Variants in RAD51B observed in about 807,000 individuals in gnomAD.
RAD51B encodes the protein DNA repair protein RAD51 homolog 2.
Under a neutral mutation model 42.2 loss-of-function variants are expected in RAD51B, and 38 were observed. That is an observed-to-expected ratio of 0.90 (90% confidence interval 0.70 to 1.18). The LOEUF (loss-of-function observed/expected upper bound fraction) is 1.18, where lower values mean the gene tolerates loss of function less well. Ranked by LOEUF, RAD51B falls within the 50% of genes most tolerant of loss-of-function variation. The pLI is 0.00. For synonymous variants in RAD51B, 154 were observed against 145.2 expected, an observed-to-expected ratio of 1.06 and a Z score of -0.43; for missense variants, 373 against 400.7, an observed-to-expected ratio of 0.93 and a Z score of 0.59.
chr14:68,344,545 G>T (rs1197449037), intron 8 of RAD51B, among the ~76,000 whole-genome samples: 1 of 152,170 alleles, frequency 6.6e-6, no homozygotes, highest in Non-Finnish European at 1.5e-5. Flanking sequence ...TACTCGGGAA[G>T]CTGAGGCAGG....
intron 8 of RAD51B, among the ~76,000 whole-genome samples, chr14:68,408,775 GT>G (rs1040903765): frequency 6.6e-6 from 1 of 152,052 alleles, no homozygotes; most frequent in Non-Finnish European, 1.5e-5. Context: ...GATTATAAAA[GT>G]TTTTTACAAT....
At chr14:68,465,951 A>AAATAAATAAATAAAT (rs58775455) in intron 9 of RAD51B, among the ~76,000 whole-genome samples, 13 of 90,510 alleles carry the variant, frequency 1.4e-4, no homozygotes, top group African/African-American at 3.6e-4. Flanking sequence ...AAAAAAAAAA[A>AAATAAATAAATAAAT]AAATAAATAA....
chr14:68,317,066 T>G (rs1450289595), intron 8 of RAD51B, among the ~76,000 whole-genome samples: 1 of 152,150 alleles, frequency 6.6e-6, no homozygotes, highest in Non-Finnish European at 1.5e-5. Flanking sequence ...AGGAAACTAT[T>G]TGAGACAATT....
downstream of RAD51B, among the ~76,000 whole-genome samples, chr14:68,479,688 T>TTTTTG (rs34627518): frequency 1.1e-3 from 156 of 137,050 alleles, 3 homozygotes; most frequent in African/African-American, 3.7e-3. Context: ...TTTTTTTTTT[T>TTTTTG]GCCAGAGTCT....
At chr14:67,947,367 G>A (rs1013154702) in intron 7 of RAD51B, among the ~76,000 whole-genome samples, 7 of 152,038 alleles carry the variant, frequency 4.6e-5, no homozygotes, top group African/African-American at 9.7e-5. Context: ...AATATAAATC[G>A]CTCTTTTGAT....
intron 5 of RAD51B, among the ~76,000 whole-genome samples, chr14:67,882,627 A>T (rs1268875524): frequency 5.3e-5 from 8 of 152,218 alleles, no homozygotes; most frequent in Admixed American, 1.3e-4. Flanking sequence ...TTCCCCCATG[A>T]AGGAAATAAA....
At chr14:68,421,974 C>A (rs1052647128) in intron 9 of RAD51B, 3 of 1,536,850 alleles carry the variant, frequency 2.0e-6, no homozygotes, top group Non-Finnish European at 2.7e-6. Flanking sequence ...GGACTTGCCA[C>A]CAGTGCCATT....
intron 11 of RAD51B, among the ~76,000 whole-genome samples, chr14:68,670,184 G>A (rs1893127079): frequency 6.6e-6 from 1 of 152,180 alleles, no homozygotes; most frequent in South Asian, 2.1e-4. Flanking sequence ...CTTGTGACGG[G>A]AAGTTTGGGA....
intron 7 of RAD51B, among the ~76,000 whole-genome samples, chr14:68,024,238 T>C (rs2075915294): frequency 6.6e-6 from 1 of 152,194 alleles, no homozygotes; most frequent in Non-Finnish European, 1.5e-5. Flanking sequence ...TTGGTTACTG[T>C]AGCCATATAG....
intron 8 of RAD51B, among the ~76,000 whole-genome samples, chr14:68,337,500 T>G (rs1271459029): frequency 6.6e-6 from 1 of 152,232 alleles, no homozygotes; most frequent in Non-Finnish European, 1.5e-5. Context: ...GGTTCTTTCT[T>G]CCCTATTGGC....
At chr14:68,466,400 C>T (rs2085987728) in intron 9 of RAD51B, among the ~76,000 whole-genome samples, 1 of 152,216 alleles carries the variant, frequency 6.6e-6, no homozygotes, top group African/African-American at 2.4e-5. Context: ...GAAACTGAGA[C>T]TTAACAAGTT....
intron 8 of RAD51B, among the ~76,000 whole-genome samples, chr14:68,331,305 T>A (rs1304580787): frequency 7.5e-6 from 1 of 133,942 alleles, no homozygotes; most frequent in Non-Finnish European, 1.5e-5. Flanking sequence ...GAGGCAGAGG[T>A]TGCAATGAGC....
At chr14:67,998,228 G>A (rs940615218) in intron 7 of RAD51B, among the ~76,000 whole-genome samples, 6 of 152,066 alleles carry the variant, frequency 3.9e-5, no homozygotes, top group Admixed American at 6.6e-5. Context: ...CTTTTTTAAC[G>A]TTACATAAAC....
At chr14:68,522,482 CTG>C (rs1886648795) in intron 10 of RAD51B, among the ~76,000 whole-genome samples, 1 of 152,206 alleles carries the variant, frequency 6.6e-6, no homozygotes, top group Non-Finnish European at 1.5e-5. Flanking sequence ...TCCTCCCTCT[CTG>C]GAATGGAGCC....
intron 7 of RAD51B, among the ~76,000 whole-genome samples, chr14:67,977,173 G>C (rs536931635): frequency 6.6e-6 from 1 of 152,130 alleles, no homozygotes; most frequent in Non-Finnish European, 1.5e-5. Flanking sequence ...TTTCCAACTA[G>C]AATTCCAATT....
chr14:68,366,524 T>A lies in RAD51B; in HGVS notation c.854-44900T>A, dbSNP rs17105478. On this transcript the variant is annotated intron_variant, in intron 8 of 10. Transcript: ENST00000471583. Reference sequence around the variant, plus strand: ...AAGGAAGTACAGACTATGCTTAGTCTGCCTCGTGTCCCTGGACTAAAGCAG... The same window carrying A: ...AAGGAAGTACAGACTATGCTTAGTCAGCCTCGTGTCCCTGGACTAAAGCAG... 3.2e-3 allele frequency among the ~76,000 whole-genome samples: 493 copies of A among 152,370 alleles called. 4 individuals carry two copies. Among genetic ancestry groups the A allele is most frequent in the African/African-American group, 0.011 (468 of 41,586 alleles).
intron 7 of RAD51B, among the ~76,000 whole-genome samples, chr14:67,964,553 A>G (rs1486196841): frequency 6.6e-6 from 1 of 152,166 alleles, no homozygotes; most frequent in Non-Finnish European, 1.5e-5. Flanking sequence ...ATTAACCAGA[A>G]CAAATGGTGC....
chr14:68,606,525 A>C (rs10151284), intron 10 of RAD51B, among the ~76,000 whole-genome samples: 73,217 of 151,992 alleles, frequency 0.48, 18,206 homozygotes, highest in African/African-American at 0.57. Flanking sequence ...TTTTTCCTCC[A>C]AAAATATCTG....
At chr14:68,196,274 T>C (rs2079372021) in intron 7 of RAD51B, among the ~76,000 whole-genome samples, 1 of 152,218 alleles carries the variant, frequency 6.6e-6, no homozygotes, top group South Asian at 2.1e-4. Context: ...CCATTAATGA[T>C]GTGAAATTTA....
Sources: gnomAD v4.1 joint callset for allele counts (sites outside exome capture counted in the v4.1 genomes callset) on GRCh38, gnomAD v4.1.1 for gene constraint, MANE v1.5 for transcripts, NCBI Gene and HGNC (gene_info 2026-07-23, HGNC 2026-07-21) for gene names.